Variants in CFAP92 observed in about 807,000 individuals in gnomAD.
The protein encoded by CFAP92 is uncharacterized protein CFAP92.
A neutral mutation model predicts 106.3 loss-of-function variants in CFAP92; 86 were observed. That is an observed-to-expected ratio of 0.81 (90% CI 0.68 to 0.97). The LOEUF is 0.97. CFAP92 is among the 50% of genes least tolerant of loss of function. CFAP92 has a pLI of 0.00. For missense variants in CFAP92, 1,204 were observed against 1,283.8 expected, an observed-to-expected ratio of 0.94 and a Z score of 0.95; for synonymous variants, 477 against 506.4, an observed-to-expected ratio of 0.94 and a Z score of 0.78.
intron 9 of CFAP92, among the ~76,000 whole-genome samples, chr3:128,965,296 T>C (rs1359777467): frequency 6.6e-6 from 1 of 152,192 alleles, no homozygotes; most frequent in African/African-American, 2.4e-5. Context: ...CTCCCTTTGC[T>C]GACTCTCTTT....
intron 4 of CFAP92, among the ~76,000 whole-genome samples, chr3:128,984,089 A>G (rs1943699486): frequency 6.6e-6 from 1 of 152,222 alleles, no homozygotes; most frequent in Non-Finnish European, 1.5e-5. Context: ...GGTGCCCAGA[A>G]TTGAGAGCAT....
At chr3:128,943,926 T>TG (rs1466327761) in intron 10 of CFAP92, among the ~76,000 whole-genome samples, 11 of 148,114 alleles carry the variant, frequency 7.4e-5, no homozygotes, top group African/African-American at 2.3e-4. Flanking sequence ...CCCCGTTTTT[T>TG]TTTTTTTTTT....
chr3:128,998,291 A>C (rs953073273), upstream of CFAP92, among the ~76,000 whole-genome samples: 1 of 152,152 alleles, frequency 6.6e-6, no homozygotes, highest in African/African-American at 2.4e-5. Flanking sequence ...AAATGTTTTG[A>C]ACTTTGATGA....
rs544175338 is a variant in CFAP92, at chr3:128,943,351, C to A, written c.2258+1720G>T. 4.7e-5 allele frequency among the ~76,000 whole-genome samples: 7 copies of A among 148,186 alleles called. No individual in the cohort carries two copies. In the South Asian group the frequency reaches 1.3e-3, roughly 27 times the overall value. On this transcript the variant is annotated intron_variant, in intron 10 of 15. Transcript: ENST00000645291. ...AACTCTGTGCCCACTGGCAGTGGCT[C>A]CCCGCTTCTCTCTTGCCCTCCCGAG...
chr3:128,919,224 G>T (rs550860656), intron 12 of CFAP92, among the ~76,000 whole-genome samples: 1 of 151,878 alleles, frequency 6.6e-6, no homozygotes, highest in South Asian at 2.1e-4. Context: ...GATTACAGGC[G>T]TGAGCCACTG....
Position 128,910,066 on chromosome 3 carries a change from C to T in CFAP92, c.*233G>A. On this transcript the variant is annotated 3_prime_UTR_variant, in exon 16 of 16. Coordinates refer to ENST00000645291, the MANE Select transcript of CFAP92 (RefSeq NM_001394090.1). Reference sequence around the variant, plus strand: ...GGTACTGAAGCGGGTGGCCAACATCCTCATCAACCTGTATGGCATGACGGC... The same window carrying T: ...GGTACTGAAGCGGGTGGCCAACATCTTCATCAACCTGTATGGCATGACGGC... 6.2e-7 allele frequency: 1 copy of T among 1,614,034 alleles called. No homozygotes were observed. Among genetic ancestry groups the T allele is most frequent in the Non-Finnish European group, 8.5e-7 (1 of 1,180,010 alleles).
chr3:128,941,506 T>TCA (rs575057050), intron 10 of CFAP92, among the ~76,000 whole-genome samples: 1 of 152,332 alleles, frequency 6.6e-6, no homozygotes, highest in African/African-American at 2.4e-5. Flanking sequence ...AGACAGAGTC[T>TCA]CACTCTGTTG....
At chr3:129,010,173 GCCTTGAGGGGTCC>G in the CFAP92 span, among the ~76,000 whole-genome samples, 1 of 152,264 alleles carries the variant, frequency 6.6e-6, no homozygotes, top group Non-Finnish European at 1.5e-5. The surrounding 1 kb of genome is among the most constrained non-coding windows in gnomAD (Gnocchi z 4.3). Flanking sequence ...GCCTTGTCCT[GCCTTGAGGGGTCC>G]CCCTTCAGTC....
intron 9 of CFAP92, among the ~76,000 whole-genome samples, chr3:128,963,358 G>A (rs560490602): frequency 1.0e-3 from 152 of 152,286 alleles, no homozygotes; most frequent in African/African-American, 3.3e-3. Flanking sequence ...AGCGGCTGCC[G>A]CTGCTTTAAT....
chr3:128,912,447 C>A, intron 15 of CFAP92: 1 of 1,502,514 alleles, frequency 6.7e-7, no homozygotes, highest in Non-Finnish European at 9.2e-7. Flanking sequence ...CCCACTTCAG[C>A]CATGTTTGTC....
intron 15 of CFAP92, chr3:128,913,022 G>A: frequency 2.2e-6 from 1 of 458,364 alleles, no homozygotes; most frequent in South Asian, 1.5e-5. Context: ...CTCTGTCTGG[G>A]TCATTCATTT....
the CFAP92 span, among the ~76,000 whole-genome samples, chr3:129,009,103 C>T: frequency 6.6e-6 from 1 of 152,212 alleles, no homozygotes; most frequent in East Asian, 1.9e-4. Flanking sequence ...TCAATCCCTG[C>T]CCAACCAAGG....
upstream of CFAP92, chr3:128,994,108 G>A (rs115978811): frequency 3.0e-6 from 3 of 985,638 alleles, no homozygotes; most frequent in African/African-American, 1.7e-5. Flanking sequence ...AGGGAGGGCC[G>A]CAGGCCCAGC....
chr3:128,996,725 C>G (rs1038192810), upstream of CFAP92, among the ~76,000 whole-genome samples: 13 of 152,246 alleles, frequency 8.5e-5, no homozygotes, highest in African/African-American at 3.1e-4. Context: ...CTGGCCTCGC[C>G]TGGGCTCACT....
chr3:129,019,149 A>G, the CFAP92 span, among the ~76,000 whole-genome samples: 2 of 152,262 alleles, frequency 1.3e-5, no homozygotes, highest in African/African-American at 4.8e-5. Flanking sequence ...TGATGTAATC[A>G]GGTTCACCAA....
rs994258743 is a variant in CFAP92 at position 128,978,058 on chromosome 3, T to C, written c.795A>G (p.Pro265=). The C allele has an allele frequency of 2.5e-6, 4 of 1,613,878 alleles. No homozygotes were observed. The African/African-American group carries it at 4.0e-5, about 16-fold the overall frequency. ...PGKQEKTEKH[P]KSLQGSHQAE... ...TTCTCCGCTCACCTTGCAAAGACTT[T>C]GGGTGTTTTTCTGTTTTTTCTTGTT... Residue 265 remains proline, a synonymous_variant, in exon 5 of 16, where the codon CCA becomes CCG. Transcript: ENST00000645291.
chr3:128,987,442 A>G (rs1405352894), intron 4 of CFAP92, among the ~76,000 whole-genome samples, 174 bp downstream of exon 4: 1 of 151,984 alleles, frequency 6.6e-6, no homozygotes. Flanking sequence ...TCACTCCCCT[A>G]TGTGGCGCTT....
At chr3:128,938,587 G>A (rs1196649112) in intron 10 of CFAP92, among the ~76,000 whole-genome samples, 1 of 151,446 alleles carries the variant, frequency 6.6e-6, no homozygotes, top group Non-Finnish European at 1.5e-5. Context: ...TCCACCTCCC[G>A]GGTTCATGCC....
intron 9 of CFAP92, among the ~76,000 whole-genome samples, chr3:128,963,290 C>A (rs566784595): frequency 6.6e-6 from 1 of 152,182 alleles, no homozygotes; most frequent in African/African-American, 2.4e-5. Context: ...CACCGTGTAG[C>A]CTTTCTGTCC....
Sources: allele counts gnomAD v4.1 joint callset (sites outside exome capture counted in the v4.1 genomes callset), GRCh38; gene constraint gnomAD v4.1.1; non-coding constraint Gnocchi (gnomAD v3.1); transcripts MANE v1.5; gene names NCBI Gene and HGNC (gene_info 2026-07-23, HGNC 2026-07-21).